The following ZBBX variants were observed in gnomAD, a reference collection of about 807,000 sequenced individuals.
The protein encoded by ZBBX is zinc finger B-box domain containing.
ZBBX carries 101 observed loss-of-function variants against 108.5 expected under a neutral mutation model. The observed-to-expected ratio is 0.93, with a 90% CI of 0.79 to 1.10. The LOEUF (loss-of-function observed/expected upper bound fraction) is 1.10. Among genes scored for constraint, ZBBX ranks in the 50% least tolerant of loss-of-function variants. The pLI is 0.00. For synonymous variants in ZBBX, 356 were observed against 323.4 expected (o/e 1.10, Z -1.08); for missense variants, 1,009 against 941.4 (o/e 1.07, Z -0.94).
At chr3:167,329,682 G>T (rs1479445961) in intron 10 of ZBBX, among the ~76,000 whole-genome samples, 1 of 152,130 alleles carries the variant, frequency 6.6e-6, no homozygotes, top group Admixed American at 6.6e-5. Flanking sequence ...CAGCATTGGT[G>T]GCATGGAACT....
intron 17 of ZBBX, 126 bp from the exon 18 acceptor site, chr3:167,298,584 T>A (rs1237539484): frequency 5.0e-6 from 3 of 598,722 alleles, no homozygotes; most frequent in Non-Finnish European, 7.9e-6. Context: ...TCAAGTTTAG[T>A]TTCTAACAGT....
chr3:167,256,152 G>A (rs930104804), intron 20 of ZBBX, among the ~76,000 whole-genome samples: 4 of 152,040 alleles, frequency 2.6e-5, no homozygotes, highest in Non-Finnish European at 5.9e-5. Context: ...CCTCTTTTAT[G>A]ATTGAATAAT....
At chr3:167,234,637 A>G in the ZBBX span, among the ~76,000 whole-genome samples, 1 of 151,884 alleles carries the variant, frequency 6.6e-6, no homozygotes, top group Non-Finnish European at 1.5e-5. Flanking sequence ...TTCAAACCAC[A>G]TTAATGGAAA....
At chr3:167,250,040 G>A (rs572421254) in intron 20 of ZBBX, among the ~76,000 whole-genome samples, 2 of 152,084 alleles carry the variant, frequency 1.3e-5, no homozygotes, top group African/African-American at 2.4e-5. Context: ...GGCTAAGAGC[G>A]GCCTTGACAA....
chr3:167,231,635 T>G, the ZBBX span, among the ~76,000 whole-genome samples: 1 of 151,780 alleles, frequency 6.6e-6, no homozygotes, highest in Non-Finnish European at 1.5e-5. Flanking sequence ...GAGGAAAAGC[T>G]AAAGATATTA....
At chr3:167,372,770 A>G in intron 4 of ZBBX, 64 bp downstream of exon 4, 1 of 824,580 alleles carries the variant, frequency 1.2e-6, no homozygotes, top group South Asian at 1.9e-5. Flanking sequence ...CAAAATAGTC[A>G]AAATTACAAT....
chr3:167,281,421 C>A (rs531849709), intron 20 of ZBBX, among the ~76,000 whole-genome samples: 1 of 151,870 alleles, frequency 6.6e-6, no homozygotes, highest in Non-Finnish European at 1.5e-5. Flanking sequence ...ATAGCAAAGT[C>A]GTTACTCCAA....
chr3:167,289,609 C>A (rs894763311), intron 18 of ZBBX, among the ~76,000 whole-genome samples: 1 of 152,192 alleles, frequency 6.6e-6, no homozygotes, highest in African/African-American at 2.4e-5. Context: ...ACCCTCAGAC[C>A]AGGAGATCCC....
chr3:167,309,545 C>T (rs1734230980), intron 16 of ZBBX, among the ~76,000 whole-genome samples: 1 of 152,238 alleles, frequency 6.6e-6, no homozygotes, highest in East Asian at 1.9e-4. Context: ...GGCCCAACAC[C>T]ATGTGGAAGC....
rs780104140 is a variant in ZBBX, at chr3:167,333,900, T to C, written c.614A>G (p.Asn205Ser). Residue 205 changes from asparagine (N) to serine (S), a missense_variant, in exon 10 of 22, where the codon AAT becomes AGT. Coordinates refer to ENST00000675490, the MANE Select transcript of ZBBX (RefSeq NM_001199201.2). Reference sequence around the variant, plus strand: ...TTTACTGGTTTCCTTTGTAGAATTATTCTCCTCTTTGGGTTCATCTGGATT... The same window carrying C: ...TTTACTGGTTTCCTTTGTAGAATTACTCTCCTCTTTGGGTTCATCTGGATT... ...DVNPDEPKEE[N>S]NSTKETSKIQ... is the part of the protein sequence containing the mutation. The C allele has an allele frequency of 4.3e-6, 7 of 1,612,756 alleles. No individual in the cohort carries two copies. Among genetic ancestry groups the C allele is most frequent in the Non-Finnish European group, 5.9e-6 (7 of 1,179,358 alleles).
At chr3:167,288,534 A>T (rs941470518) in intron 19 of ZBBX, among the ~76,000 whole-genome samples, 3 of 152,208 alleles carry the variant, frequency 2.0e-5, no homozygotes, top group African/African-American at 4.8e-5. Flanking sequence ...TGGTATAAAC[A>T]TACTGCTTCC....
intron 20 of ZBBX, among the ~76,000 whole-genome samples, chr3:167,247,105 T>C (rs892563160): frequency 2.0e-5 from 3 of 152,126 alleles, no homozygotes; most frequent in African/African-American, 7.2e-5. Context: ...AAATGTTGCA[T>C]TTCCCAAGAC....
the ZBBX span, among the ~76,000 whole-genome samples, chr3:167,217,011 T>C: frequency 2.0e-5 from 3 of 152,174 alleles, no homozygotes; most frequent in South Asian, 2.1e-4. Flanking sequence ...TCAAAACCTA[T>C]AAAAATCCTA....
chr3:167,179,204 G>T, the ZBBX span, among the ~76,000 whole-genome samples: 598 of 152,322 alleles, frequency 3.9e-3, no homozygotes, highest in African/African-American at 0.013. Context: ...GGGAACATGG[G>T]TGACACCCAT....
intron 20 of ZBBX, among the ~76,000 whole-genome samples, chr3:167,270,723 G>A (rs921719659): frequency 6.6e-6 from 1 of 152,166 alleles, no homozygotes; most frequent in Non-Finnish European, 1.5e-5. Flanking sequence ...CACACCCCAC[G>A]AAGTTAGAGC....
intron 20 of ZBBX, among the ~76,000 whole-genome samples, chr3:167,279,709 G>T (rs1334064176): frequency 1.3e-5 from 2 of 151,968 alleles, no homozygotes; most frequent in East Asian, 1.9e-4. Flanking sequence ...TCCCCATCAA[G>T]CTACCAATGA....
intron 1 of ZBBX, among the ~76,000 whole-genome samples, chr3:167,395,024 G>T (rs1416720013): frequency 6.6e-6 from 1 of 151,966 alleles, no homozygotes; most frequent in Non-Finnish European, 1.5e-5. Flanking sequence ...ACCAACCTCT[G>T]GTTCAAGCAT....
rs1560217934 is a variant in ZBBX, at chr3:167,402,784, G to GC, written c.-446+4941_-446+4942insG. 5.8e-3 allele frequency among the ~76,000 whole-genome samples: 717 copies of GC among 123,976 alleles called. 5 individuals carry two copies. The highest frequency in any genetic ancestry group is 0.019 in the African/African-American group (693 of 35,828). The allele number at this position is 123,976 out of a possible 152,430, so 81.3% of individuals were successfully genotyped here. Reference sequence around the variant, plus strand: ...ATTATATATCTGTAAACTACAATATGTAAAAAAAAAAAATAGATGAACTAT... The same window carrying GC: ...ATTATATATCTGTAAACTACAATATGCTAAAAAAAAAAAATAGATGAACTAT... On this transcript the variant is annotated intron_variant, in intron 1 of 21. Coordinates refer to the ZBBX transcript ENST00000455345.
downstream of ZBBX, among the ~76,000 whole-genome samples, chr3:167,239,578 T>G (rs2108298024): frequency 6.6e-6 from 1 of 152,244 alleles, no homozygotes; most frequent in African/African-American, 2.4e-5. Flanking sequence ...TTCTCTGACT[T>G]ACTTTATTGT....
Sources: gnomAD v4.1 joint callset for allele counts (sites outside exome capture counted in the v4.1 genomes callset) on GRCh38, gnomAD v4.1.1 for gene constraint, MANE v1.5 for transcripts, NCBI Gene and HGNC (gene_info 2026-07-23, HGNC 2026-07-21) for gene names.